Variants in OXR1 observed in about 807,000 individuals in gnomAD.
OXR1 encodes the protein oxidation resistance protein 1.
OXR1 carries 41 observed loss-of-function variants against 104.6 expected under a neutral mutation model. The observed-to-expected ratio is 0.39, with a 90% CI of 0.31 to 0.51. The LOEUF is 0.51. Ranked by LOEUF, OXR1 falls within the 20% of genes least tolerant of loss-of-function variation. OXR1 has a pLI of 0.77. For missense variants in OXR1, 955 were observed against 1,031.9 expected (o/e 0.93, Z 1.02); for synonymous variants, 348 against 348.4 (o/e 1.00, Z 0.01).
At chr8:106,294,412 A>AAAAAAAAAAAAG (rs71307051) in intron 1 of OXR1, among the ~76,000 whole-genome samples, 4 of 131,404 alleles carry the variant, frequency 3.0e-5, no homozygotes, top group Admixed American at 8.2e-5. Flanking sequence ...AAAAAAAAAA[A>AAAAAAAAAAAAG]AAAGAAAGAA....
chr8:106,618,147 G>A (rs537972663), intron 3 of OXR1: 620 of 1,536,070 alleles, frequency 4.0e-4, no homozygotes, highest in South Asian at 1.2e-3. Context: ...AGCAAGGTTC[G>A]AAGGAAGGAC....
chr8:106,352,513 G>A (rs531290690), intron 1 of OXR1, among the ~76,000 whole-genome samples: 4 of 152,288 alleles, frequency 2.6e-5, no homozygotes, highest in South Asian at 4.1e-4. Flanking sequence ...TATATCATGT[G>A]TATAAGGATA....
At chr8:106,284,998 A>G (rs1225328463) in intron 1 of OXR1, among the ~76,000 whole-genome samples, 1 of 152,200 alleles carries the variant, frequency 6.6e-6, no homozygotes, top group Non-Finnish European at 1.5e-5. Flanking sequence ...AATAAGTTCT[A>G]GGGTACATGT....
At chr8:106,609,239 A>C (rs1190730813) in intron 3 of OXR1, among the ~76,000 whole-genome samples, 1 of 152,118 alleles carries the variant, frequency 6.6e-6, no homozygotes, top group Non-Finnish European at 1.5e-5. Context: ...AGCCCATCTC[A>C]AAAAAGTAAT....
intron 2 of OXR1, among the ~76,000 whole-genome samples, chr8:106,477,052 C>T (rs1366639057): frequency 6.6e-6 from 1 of 151,958 alleles, no homozygotes; most frequent in East Asian, 1.9e-4. Context: ...TGGTGGGCAA[C>T]CCAGCTGCAG....
intron 3 of OXR1, among the ~76,000 whole-genome samples, chr8:106,576,022 A>ACACACACACAC (rs1563616860): frequency 6.6e-6 from 1 of 150,638 alleles, no homozygotes; most frequent in Non-Finnish European, 1.5e-5. Flanking sequence ...ACACACACAC[A>ACACACACACAC]AAACCCTGAA....
At chr8:106,409,210 C>G (rs189339290) in intron 2 of OXR1, among the ~76,000 whole-genome samples, 77 of 152,222 alleles carry the variant, frequency 5.1e-4, no homozygotes, top group African/African-American at 1.8e-3. Context: ...TAGGATAACC[C>G]CATTAGCTTC....
At chr8:106,614,268 C>G (rs570814256) in intron 3 of OXR1, among the ~76,000 whole-genome samples, 1 of 152,152 alleles carries the variant, frequency 6.6e-6, no homozygotes, top group East Asian at 1.9e-4. Context: ...ATTATATTCT[C>G]AAGCACATTT....
chr8:106,400,952 A>G (rs1205215388), intron 2 of OXR1, among the ~76,000 whole-genome samples: 3 of 152,232 alleles, frequency 2.0e-5, no homozygotes, highest in Admixed American at 6.5e-5. Flanking sequence ...GTTAGTACAT[A>G]TTATGGTGAA....
chr8:106,472,534 T>G (rs1015021420), intron 2 of OXR1, among the ~76,000 whole-genome samples: 1 of 151,884 alleles, frequency 6.6e-6, no homozygotes, highest in African/African-American at 2.4e-5. Context: ...ATGAATTTCT[T>G]CACTATTAAA....
At chr8:106,405,652 G>A (rs192498334) in intron 2 of OXR1, among the ~76,000 whole-genome samples, 3 of 152,242 alleles carry the variant, frequency 2.0e-5, no homozygotes, top group Non-Finnish European at 4.4e-5. Context: ...TAGAGGATGA[G>A]AGAGTATATC....
chr8:106,489,183 G>A (rs1810908901), intron 2 of OXR1, among the ~76,000 whole-genome samples: 1 of 150,740 alleles, frequency 6.6e-6, no homozygotes, highest in Non-Finnish European at 1.5e-5. Context: ...TCTCTTTGAA[G>A]CAATTGTGAA....
At chr8:106,638,346 GA>G (rs148397679) in intron 3 of OXR1, among the ~76,000 whole-genome samples, 6,884 of 151,994 alleles carry the variant, frequency 0.045, 255 homozygotes, top group South Asian at 0.14. Flanking sequence ...TTCTAACCGG[GA>G]ATTACTACCC....
intron 3 of OXR1, among the ~76,000 whole-genome samples, chr8:106,614,716 G>T (rs895246360): frequency 6.6e-6 from 1 of 151,942 alleles, no homozygotes; most frequent in Non-Finnish European, 1.5e-5. Context: ...GCCAAATATT[G>T]GGAAATAGGT....
At chr8:106,389,199 T>C (rs535649932) in intron 2 of OXR1, among the ~76,000 whole-genome samples, 1 of 152,136 alleles carries the variant, frequency 6.6e-6, no homozygotes, top group Non-Finnish European at 1.5e-5. Context: ...GGTTAAGTCA[T>C]CCAACATAAA....
In OXR1 at chr8:106,312,007, C is replaced by A. The variant is rs973196735; in HGVS notation, c.-139+41640C>A. Reference sequence around the variant, plus strand: ...TCCTCATCTTCACCTACACCCCCACCCCCCTGCCCACAGACCTTTTTTTCA... The same window carrying A: ...TCCTCATCTTCACCTACACCCCCACACCCCTGCCCACAGACCTTTTTTTCA... On this transcript the variant is annotated intron_variant, in intron 1 of 16. Transcript: ENST00000517566. 5.9e-5 allele frequency among the ~76,000 whole-genome samples: 9 copies of A among 152,028 alleles called. No individual in the cohort carries two copies. The East Asian group carries it at 1.7e-3, about 29-fold the overall frequency.
intron 7 of OXR1, among the ~76,000 whole-genome samples, chr8:106,695,228 C>G (rs1341352707): frequency 1.3e-5 from 2 of 151,028 alleles, no homozygotes; most frequent in Non-Finnish European, 2.9e-5. Context: ...TTACTTATTC[C>G]CTACACTTGT....
intron 11 of OXR1, among the ~76,000 whole-genome samples, chr8:106,729,568 G>A (rs541167314): frequency 3.9e-5 from 6 of 152,004 alleles, no homozygotes; most frequent in East Asian, 3.9e-4. Context: ...ATATTATGCC[G>A]CCTATCTATA....
chr8:106,411,300 G>T (rs750656711), intron 2 of OXR1, among the ~76,000 whole-genome samples: 12 of 152,108 alleles, frequency 7.9e-5, no homozygotes, highest in Non-Finnish European at 1.6e-4. Flanking sequence ...GAAGAGAGTG[G>T]CATGACAGAT....
Sources: allele counts gnomAD v4.1 joint callset (sites outside exome capture counted in the v4.1 genomes callset), GRCh38; gene constraint gnomAD v4.1.1; transcripts MANE v1.5; gene names NCBI Gene and HGNC (gene_info 2026-07-23, HGNC 2026-07-21).